Variants in CALN1 observed in about 807,000 individuals in gnomAD.
The protein encoded by CALN1 is calcium-binding protein 8.
In CALN1, 17 loss-of-function variants were observed where a neutral mutation model predicts 30.6. That is an observed-to-expected ratio of 0.56 (90% CI 0.38 to 0.83). The LOEUF (loss-of-function observed/expected upper bound fraction) is 0.83, where lower values mean the gene tolerates loss of function less well. Among genes scored for constraint, CALN1 ranks in the 40% least tolerant of loss-of-function variants. CALN1 has a pLI of 0.00. For synonymous variants in CALN1, 156 were observed against 131.4 expected, an observed-to-expected ratio of 1.19 and a Z score of -1.28; for missense variants, 291 against 354.9, an observed-to-expected ratio of 0.82 and a Z score of 1.45.
chr7:72,487,378 G>T, the CALN1 span, among the ~76,000 whole-genome samples: 5 of 152,072 alleles, frequency 3.3e-5, no homozygotes, highest in East Asian at 9.7e-4. Flanking sequence ...AAACTCCCCA[G>T]CTGGGGAATG....
At position 72,222,308 on chromosome 7, in the gene CALN1, G is replaced by A. The variant is rs147857901; in HGVS notation, c.244+56378C>T. ...CAATTCTGGAGCCTATACTGGAAGT[G>A]TGATGCTGGCATCTGCTTGGCTTCT... On this transcript the variant is annotated intron_variant, in intron 3 of 6. Coordinates refer to ENST00000395275, the MANE Select transcript of CALN1 (RefSeq NM_031468.4). Among the ~76,000 whole-genome samples, 1,293 of 152,326 alleles carry A rather than the reference G, an allele frequency of 8.5e-3. 16 individuals carry two copies. Among genetic ancestry groups the A allele is most frequent in the African/African-American group, 0.03 (1,227 of 41,580 alleles).
chr7:71,812,537 T>G (rs1788014806), intron 5 of CALN1, among the ~76,000 whole-genome samples: 1 of 152,174 alleles, frequency 6.6e-6, no homozygotes, highest in South Asian at 2.1e-4. Context: ...AATGCCGTGA[T>G]TCACAATTGA....
chr7:72,398,014 G>C (rs1260878016), intron 2 of CALN1, among the ~76,000 whole-genome samples: 2 of 152,252 alleles, frequency 1.3e-5, no homozygotes, highest in East Asian at 1.9e-4. Context: ...CTGAAGTCCA[G>C]AAGAGCCAAG....
chr7:72,115,998 C>G (rs983424314), intron 3 of CALN1, among the ~76,000 whole-genome samples: 2 of 152,128 alleles, frequency 1.3e-5, no homozygotes, highest in African/African-American at 2.4e-5. Context: ...ATGACAGGAT[C>G]TCATTCATTT....
chr7:72,406,477 G>T (rs570703617), intron 1 of CALN1, among the ~76,000 whole-genome samples: 3 of 152,120 alleles, frequency 2.0e-5, no homozygotes, highest in Non-Finnish European at 2.9e-5. Context: ...TCCAGAATTT[G>T]TCCTCTAAAG....
At chr7:72,060,502 G>A (rs1198882464) in intron 4 of CALN1, among the ~76,000 whole-genome samples, 2 of 152,152 alleles carry the variant, frequency 1.3e-5, no homozygotes, top group Non-Finnish European at 2.9e-5. Flanking sequence ...GAAATCCTGG[G>A]CTCACCTGTA....
chr7:72,008,838 T>G (rs1180009483), intron 5 of CALN1, among the ~76,000 whole-genome samples: 1 of 152,048 alleles, frequency 6.6e-6, no homozygotes, highest in African/African-American at 2.4e-5. Flanking sequence ...GTATTTTTAG[T>G]GGAGACGGGG....
chr7:72,502,002 T>TAC, the CALN1 span, among the ~76,000 whole-genome samples: 7 of 125,306 alleles, frequency 5.6e-5, no homozygotes, highest in Admixed American at 8.1e-5. Context: ...TAAATATATA[T>TAC]ACACACATAT....
At chr7:72,387,642 G>T (rs1025310253) in intron 2 of CALN1, among the ~76,000 whole-genome samples, 2 of 152,132 alleles carry the variant, frequency 1.3e-5, no homozygotes, top group African/African-American at 4.8e-5. Context: ...ACCGTCAGAT[G>T]AATCCCACTT....
Position 71,786,268 on chromosome 7 carries a change from T to G in CALN1, c.*1507A>C, listed in dbSNP as rs1342663379. On this transcript the variant is annotated 3_prime_UTR_variant, in exon 7 of 7. Coordinates refer to ENST00000395275, the MANE Select transcript of CALN1 (RefSeq NM_031468.4). ...GCTCGCTACTGGAAGGGGGGAAGCATGTAGTTTTAGGATGTAATCAAAAGA... is the reference window on the plus strand; with the variant it reads ...GCTCGCTACTGGAAGGGGGGAAGCAGGTAGTTTTAGGATGTAATCAAAAGA... 6.6e-6 allele frequency: 1 copy of G among 152,182 alleles called. No individual in the cohort carries two copies. The highest frequency in any genetic ancestry group is 2.4e-5 in the African/African-American group (1 of 41,440). The allele number at this position is 152,182 out of a possible 1,614,324, so 9.4% of individuals were successfully genotyped here.
At chr7:72,031,767 A>C (rs1801457834) in intron 4 of CALN1, among the ~76,000 whole-genome samples, 1 of 142,484 alleles carries the variant, frequency 7.0e-6, no homozygotes, top group African/African-American at 2.6e-5. Context: ...TTTGAGACAG[A>C]AACTCGCTCT....
chr7:72,077,351 T>C (rs913614105), intron 4 of CALN1, among the ~76,000 whole-genome samples: 1 of 152,166 alleles, frequency 6.6e-6, no homozygotes, highest in African/African-American at 2.4e-5. Flanking sequence ...TTGGCTCACT[T>C]GAATCTCTGC....
chr7:72,395,028 A>T (rs1157598180), intron 2 of CALN1, among the ~76,000 whole-genome samples: 6 of 152,132 alleles, frequency 3.9e-5, no homozygotes, highest in Admixed American at 6.5e-5. Context: ...TATGTGTGTC[A>T]CCTGATGTGC....
chr7:71,988,074 AACG>A (rs79079216), intron 5 of CALN1, among the ~76,000 whole-genome samples: 7,556 of 152,182 alleles, frequency 0.05, 596 homozygotes, highest in East Asian at 0.32. Flanking sequence ...GTCTGATGAC[AACG>A]ACAAGGATGG....
At chr7:71,924,150 G>A (rs1019133720) in intron 5 of CALN1, among the ~76,000 whole-genome samples, 9 of 141,244 alleles carry the variant, frequency 6.4e-5, no homozygotes, top group Admixed American at 3.1e-4. Context: ...CCGAAATTGC[G>A]CCATTTCACT....
rs1425214142 is a variant in CALN1 at position 71,783,739 on chromosome 7, A to C, written c.*4036T>G. 1 of 152,602 alleles carries C rather than the reference A, an allele frequency of 6.6e-6. No individual in the cohort carries two copies. Among genetic ancestry groups the C allele is most frequent in the Non-Finnish European group, 1.5e-5 (1 of 68,028 alleles). The allele number at this position is 152,602 out of a possible 1,614,324, so 9.5% of individuals were successfully genotyped here. On this transcript the variant is annotated 3_prime_UTR_variant, in exon 7 of 7. Transcript: ENST00000395275. ...ACGAGGCATTTGGAATAAAAGGTAA[A>C]CTTTTCTCTCTCAGTTCTGAAACAT...
chr7:72,340,012 T>C (rs1014693154), intron 2 of CALN1, among the ~76,000 whole-genome samples: 1 of 152,140 alleles, frequency 6.6e-6, no homozygotes, highest in Admixed American at 6.5e-5. Flanking sequence ...TTCAGTTGTT[T>C]TTCAGAAACC....
intron 1 of CALN1, among the ~76,000 whole-genome samples, chr7:72,404,544 C>T (rs1806572009): frequency 6.6e-6 from 1 of 152,196 alleles, no homozygotes; most frequent in Admixed American, 6.5e-5. Context: ...GAGAGTTGTA[C>T]CCATAAGAAC....
intron 5 of CALN1, among the ~76,000 whole-genome samples, chr7:71,894,286 T>C (rs1329375519): frequency 6.6e-6 from 1 of 152,184 alleles, no homozygotes; most frequent in Non-Finnish European, 1.5e-5. Flanking sequence ...GTCTCACTTA[T>C]TCCTTCTATC....
Sources: allele counts gnomAD v4.1 joint callset (sites outside exome capture counted in the v4.1 genomes callset), GRCh38; gene constraint gnomAD v4.1.1; transcripts MANE v1.5; gene names NCBI Gene and HGNC (gene_info 2026-07-23, HGNC 2026-07-21).